Variants in PMP22 observed in about 807,000 individuals in gnomAD.
PMP22 encodes peripheral myelin protein 22, also known as Charcot-Marie-Tooth neuropathy 1A (greatly reduced nerve conduction velocity, hereditary motor sensory neuropathy Ia).
PMP22 carries 2 observed loss-of-function variants against 18.9 expected under a neutral mutation model. That is an observed-to-expected ratio of 0.11 (90% CI 0.04 to 0.33). The LOEUF is 0.33. PMP22 is among the 10% of genes least tolerant of loss of function. The pLI, the probability that PMP22 is intolerant of heterozygous loss-of-function variation, is 1.00. For synonymous variants in PMP22, 95 were observed against 89.2 expected, an observed-to-expected ratio of 1.07 and a Z score of -0.37; for missense variants, 169 against 202.2, an observed-to-expected ratio of 0.84 and a Z score of 1.00.
At chr17:15,254,539 G>A (rs1908651343) in intron 3 of PMP22, among the ~76,000 whole-genome samples, 1 of 152,200 alleles carries the variant, frequency 6.6e-6, no homozygotes, top group African/African-American at 2.4e-5. Context: ...AATTGGCAGA[G>A]GAAGATAAGG....
chr17:15,263,077 G>A (rs879559743), intron 1 of PMP22, among the ~76,000 whole-genome samples: 7 of 152,214 alleles, frequency 4.6e-5, no homozygotes, highest in Non-Finnish European at 1.0e-4. Flanking sequence ...GCCCCGCGCC[G>A]GTCCCCGCTA....
intron 1 of PMP22, 90 bp from the exon 2 acceptor site, chr17:15,260,851 G>A (rs1909271521): frequency 7.8e-6 from 7 of 899,644 alleles, no homozygotes; most frequent in East Asian, 2.7e-5. Flanking sequence ...ACTAGCGGAA[G>A]GCCCGGCCTG....
At chr17:15,252,324 G>A (rs1368906722) in intron 3 of PMP22, among the ~76,000 whole-genome samples, 1 of 152,206 alleles carries the variant, frequency 6.6e-6, no homozygotes, top group African/African-American at 2.4e-5. Context: ...GCAAGATTTA[G>A]TTTCTCTAAT....
chr17:15,239,363 G>T, intron 4 of PMP22, 108 bp downstream of exon 4: 1 of 1,255,238 alleles, frequency 8.0e-7, no homozygotes, highest in Non-Finnish European at 1.2e-6. Context: ...CCAGTGGGGA[G>T]ACTCATGAAC....
At chr17:15,242,251 CAAAAAAAAAAAA>C (rs59075019) in intron 3 of PMP22, among the ~76,000 whole-genome samples, 1 of 54,788 alleles carries the variant, frequency 1.8e-5, no homozygotes. Context: ...GACTCTGTCT[CAAAAAAAAAAAA>C]AAAAAAAAAA....
chr17:15,239,216 C>T (rs2150676072), intron 4 of PMP22: 2 of 610,176 alleles, frequency 3.3e-6, no homozygotes, highest in East Asian at 2.7e-5. Context: ...GGGGACCTTC[C>T]TTCCAGATCC....
At chr17:15,242,251 CA>C (rs59075019) in intron 3 of PMP22, among the ~76,000 whole-genome samples, 13,229 of 55,066 alleles carry the variant, frequency 0.24, 183 homozygotes, top group Middle Eastern at 0.31. Flanking sequence ...GACTCTGTCT[CA>C]AAAAAAAAAA....
chr17:15,235,267 T>A (rs1201723911), intron 4 of PMP22: 3 of 717,636 alleles, frequency 4.2e-6, no homozygotes, highest in Non-Finnish European at 7.8e-6. Flanking sequence ...TAACCACACA[T>A]TTGACTTGAG....
chr17:15,250,104 G>A (rs1334632829), intron 3 of PMP22, among the ~76,000 whole-genome samples: 2 of 152,164 alleles, frequency 1.3e-5, no homozygotes, highest in African/African-American at 2.4e-5. Flanking sequence ...ATTTTTAGTA[G>A]AGACAGGGTT....
At chr17:15,252,882 A>G (rs1908484469) in intron 3 of PMP22, among the ~76,000 whole-genome samples, 1 of 152,202 alleles carries the variant, frequency 6.6e-6, no homozygotes. Flanking sequence ...GTGCCCTTCT[A>G]GCTCTTGGGC....
rs774002282 is a variant in PMP22 at position 15,257,847 on chromosome 17, C to G, written c.178+1247G>C. On this transcript the variant is annotated intron_variant, in intron 3 of 4. Coordinates refer to ENST00000312280, the MANE Select transcript of PMP22 (RefSeq NM_000304.4). ...TAAAAACATAAAGCAGGGTTTTCTA[C>G]TCCTTGCGTATCTTCTCCATGTAAA... Among the ~76,000 whole-genome samples the G allele has an allele frequency of 7.5e-4, 114 of 152,340 alleles. 1 individual carries two copies. Among genetic ancestry groups the G allele is most frequent in the Middle Eastern group, 3.4e-3 (1 of 294 alleles).
intron 1 of PMP22, among the ~76,000 whole-genome samples, chr17:15,263,721 C>A (rs528052577): frequency 1.3e-5 from 2 of 152,104 alleles, no homozygotes; most frequent in East Asian, 1.9e-4. Context: ...TATATTCTTA[C>A]GGTAAGTAAA....
intron 3 of PMP22, among the ~76,000 whole-genome samples, chr17:15,239,871 A>C (rs910974655): frequency 3.9e-5 from 6 of 152,208 alleles, no homozygotes; most frequent in Non-Finnish European, 7.4e-5. Flanking sequence ...ATATACAAAC[A>C]CACACATGTG....
rs768915617 is a variant in PMP22, at chr17:15,258,922, G to A, written c.178+172C>T. The A allele has an allele frequency of 1.3e-5, 9 of 679,566 alleles. No homozygotes were observed. Among genetic ancestry groups the A allele is most frequent in the Non-Finnish European group, 2.2e-5 (8 of 371,058 alleles). 42.1% of individuals were successfully genotyped at this position (679,566 alleles called of 1,614,324 possible). ...TGCCCAGGATCTCAGCTTCCCCAGCGAGATCACCACCCCTCCCATTTTCCC... is the reference window on the plus strand; with the variant it reads ...TGCCCAGGATCTCAGCTTCCCCAGCAAGATCACCACCCCTCCCATTTTCCC... On this transcript the variant is annotated intron_variant, in intron 3 of 4. Coordinates refer to ENST00000312280, the MANE Select transcript of PMP22 (RefSeq NM_000304.4). The surrounding 1 kb of genome is among the most constrained non-coding windows in gnomAD (Gnocchi z 4.1).
chr17:15,232,128 G>A (rs114005753), intron 4 of PMP22, among the ~76,000 whole-genome samples: 1,701 of 151,704 alleles, frequency 0.011, 35 homozygotes, highest in African/African-American at 0.039. Flanking sequence ...ATGCACCCGC[G>A]CCCCCCCACC....
intron 3 of PMP22, among the ~76,000 whole-genome samples, chr17:15,250,008 C>T (rs1216604538): frequency 1.3e-5 from 2 of 152,124 alleles, no homozygotes; most frequent in African/African-American, 2.4e-5. Context: ...CTCCGCCTCC[C>T]GGGTTCACGC....
Position 15,239,561 on chromosome 17 carries a change from T to C in PMP22, c.229A>G (p.Ile77Val), listed in dbSNP as rs936874481. Residue 77 changes from isoleucine (I) to valine (V), a missense_variant, in exon 4 of 5, where the codon ATT (isoleucine) becomes GTT (valine). Coordinates refer to ENST00000312280, the MANE Select transcript of PMP22 (RefSeq NM_000304.4). ...CAGAAGAACAGGAACAGAGACAGAA[T>C]GCTGAAGATGATCGACAGGATCATG... ...ATMILSIIFS[I>V]LSLFLFFCQL... The C allele has an allele frequency of 3.7e-6, 6 of 1,613,858 alleles. No homozygotes were observed. The highest frequency in any genetic ancestry group is 2.7e-5 in the African/African-American group (2 of 74,906).
chr17:15,247,369 AAAC>A (rs914018112), intron 3 of PMP22, among the ~76,000 whole-genome samples: 109 of 152,316 alleles, frequency 7.2e-4, no homozygotes, highest in African/African-American at 2.3e-3. Flanking sequence ...ACTGTCTCAA[AAAC>A]AACAACAACA....
intron 4 of PMP22, among the ~76,000 whole-genome samples, chr17:15,231,365 G>C (rs1443025861): frequency 6.6e-6 from 1 of 152,106 alleles, no homozygotes; most frequent in African/African-American, 2.4e-5. Context: ...CCAATTCCCA[G>C]GCCACACTAC....
Sources: gnomAD v4.1 joint callset for allele counts (sites outside exome capture counted in the v4.1 genomes callset) on GRCh38, gnomAD v4.1.1 for gene constraint, Gnocchi (gnomAD v3.1) non-coding constraint, MANE v1.5 for transcripts, NCBI Gene and HGNC (gene_info 2026-07-23, HGNC 2026-07-21) for gene names.